The following SLC14A2 variants were observed in gnomAD, a reference collection of about 807,000 sequenced individuals.
SLC14A2 encodes the protein urea transporter 2.
SLC14A2 carries 91 observed loss-of-function variants against 104.6 expected under a neutral mutation model. That is an observed-to-expected ratio of 0.87 (90% CI 0.73 to 1.04). The LOEUF (loss-of-function observed/expected upper bound fraction) is 1.04, where lower values mean the gene tolerates loss of function less well. Among genes scored for constraint, SLC14A2 ranks in the 50% least tolerant of loss-of-function variants. The pLI is 0.00. For synonymous variants in SLC14A2, 476 were observed against 466.4 expected, an observed-to-expected ratio of 1.02 and a Z score of -0.27; for missense variants, 1,189 against 1,156.0, an observed-to-expected ratio of 1.03 and a Z score of -0.41.
chr18:45,643,070 T>C (rs1039731415), intron 8 of SLC14A2, 62 bp from the exon 9 acceptor site: 8 of 1,503,680 alleles, frequency 5.3e-6, no homozygotes, highest in Non-Finnish European at 9.3e-7. Context: ...TGGTCTGCAA[T>C]GGCAGTGGCT....
intron 2 of SLC14A2, among the ~76,000 whole-genome samples, chr18:45,540,092 A>G (rs1225833126): frequency 6.6e-6 from 1 of 151,562 alleles, no homozygotes; most frequent in Non-Finnish European, 1.5e-5. Flanking sequence ...TTCTTTTTTA[A>G]TCCTGGGCAC....
intron 1 of SLC14A2, among the ~76,000 whole-genome samples, chr18:45,358,401 C>T (rs1460534267): frequency 2.0e-5 from 3 of 152,134 alleles, no homozygotes; most frequent in African/African-American, 7.2e-5. Flanking sequence ...AAAACCACTC[C>T]CTGCTCCTAT....
intron 2 of SLC14A2, among the ~76,000 whole-genome samples, chr18:45,541,194 G>A (rs1488020019): frequency 6.6e-6 from 1 of 152,180 alleles, no homozygotes; most frequent in African/African-American, 2.4e-5. Context: ...CCACTCCCAT[G>A]ATTCAGCCAT....
the SLC14A2 span, among the ~76,000 whole-genome samples, chr18:45,174,621 C>A: frequency 6.6e-6 from 1 of 152,086 alleles, no homozygotes; most frequent in South Asian, 2.1e-4. Context: ...GTCTCATGTA[C>A]CCTTCTGCAC....
chr18:45,303,052 CT>C (rs1408630510), intron 1 of SLC14A2, among the ~76,000 whole-genome samples: 5 of 152,160 alleles, frequency 3.3e-5, no homozygotes, highest in African/African-American at 1.2e-4. Context: ...AAAAAGAAAA[CT>C]TCAGCTGAAT....
At chr18:45,183,366 C>G in the SLC14A2 span, among the ~76,000 whole-genome samples, 2 of 152,306 alleles carry the variant, frequency 1.3e-5, no homozygotes, top group African/African-American at 4.8e-5. Flanking sequence ...TTTTATCTTG[C>G]TGCACACTTT....
In SLC14A2 at chr18:45,625,892, C is replaced by T. The variant is rs1343880201; in HGVS notation, c.331+29C>T. The T allele has an allele frequency of 1.7e-5, 24 of 1,401,560 alleles. 1 individual carries two copies. The East Asian group carries it at 6.6e-4, about 39-fold the overall frequency. The allele number at this position is 1,401,560 out of a possible 1,614,324, so 86.8% of individuals were successfully genotyped here. On this transcript the variant is annotated intron_variant, in intron 3 of 19. Transcript: ENST00000255226. ...GGAAAATACCCTGGGGAGAGGCAGC[C>T]AGACCAGGCCAGGCCAGAGAGACAA...
At chr18:45,344,938 C>T (rs918282368) in intron 1 of SLC14A2, among the ~76,000 whole-genome samples, 1 of 152,198 alleles carries the variant, frequency 6.6e-6, no homozygotes, top group Non-Finnish European at 1.5e-5. Flanking sequence ...GTCCTGCCAT[C>T]AGGAGACTGA....
chr18:45,168,417 A>G, the SLC14A2 span, among the ~76,000 whole-genome samples: 3 of 152,210 alleles, frequency 2.0e-5, no homozygotes, highest in Non-Finnish European at 4.4e-5. Context: ...TATATGTAAA[A>G]CACTGAGTGC....
At position 45,234,742 on chromosome 18, in the gene SLC14A2, T is replaced by C. The variant is rs1396236327; in HGVS notation, c.-125+21551T>C. 2.0e-5 allele frequency among the ~76,000 whole-genome samples: 3 copies of C among 152,360 alleles called. No homozygotes were observed. The East Asian group carries it at 5.8e-4, about 29-fold the overall frequency. ...TCTCTACTGCCTTGTTGGGAAACCG[T>C]ATCTGCCTAGAAGTTGCCCTGGAGT... On this transcript the variant is annotated intron_variant, in intron 1 of 20. Coordinates refer to the SLC14A2 transcript ENST00000586448.
intron 1 of SLC14A2, among the ~76,000 whole-genome samples, chr18:45,431,941 CT>C (rs1471754227): frequency 6.6e-6 from 1 of 152,122 alleles, no homozygotes; most frequent in Non-Finnish European, 1.5e-5. Context: ...CCAACAGTCT[CT>C]TTTGTTAGGT....
rs2086952423 is a variant in SLC14A2, at chr18:45,456,815, A to T, written c.-124-26418A>T. Among the ~76,000 whole-genome samples, 3 of 149,588 alleles carry T rather than the reference A, an allele frequency of 2.0e-5. 1 individual carries two copies. In the South Asian group the frequency reaches 6.4e-4, roughly 32 times the overall value. On this transcript the variant is annotated intron_variant, in intron 1 of 20. Transcript: ENST00000586448. ...TATTTTCTGGGCAAAAAGCCAAATGATATACTCTCTTCCCAGCTGCAGGGC... is the reference window on the plus strand; with the variant it reads ...TATTTTCTGGGCAAAAAGCCAAATGTTATACTCTCTTCCCAGCTGCAGGGC...
At chr18:45,320,408 A>G (rs1307658514) in intron 1 of SLC14A2, among the ~76,000 whole-genome samples, 2 of 152,248 alleles carry the variant, frequency 1.3e-5, no homozygotes, top group Non-Finnish European at 2.9e-5. Context: ...ACTCGTCTAC[A>G]TGGAATGGTA....
At chr18:45,588,649 G>C (rs1300224354) in intron 2 of SLC14A2, among the ~76,000 whole-genome samples, 1 of 152,162 alleles carries the variant, frequency 6.6e-6, no homozygotes, top group Non-Finnish European at 1.5e-5. Context: ...GATACCCACG[G>C]TCCTCACGGC....
the SLC14A2 span, among the ~76,000 whole-genome samples, chr18:45,204,442 G>A: frequency 1.2e-4 from 19 of 152,340 alleles, 1 homozygote; most frequent in Non-Finnish European, 1.0e-4. Context: ...CTTTTGACTG[G>A]TCTGATGGAG....
chr18:45,667,525 C>T (rs2046046466), intron 13 of SLC14A2, among the ~76,000 whole-genome samples: 1 of 152,156 alleles, frequency 6.6e-6, no homozygotes, highest in South Asian at 2.1e-4. Flanking sequence ...CTCTATGCAG[C>T]AAGAACATGT....
intron 1 of SLC14A2, among the ~76,000 whole-genome samples, chr18:45,358,562 C>T (rs1394589992): frequency 2.6e-5 from 4 of 152,150 alleles, no homozygotes; most frequent in African/African-American, 9.7e-5. Context: ...CGACTTACTT[C>T]AAGTAGCCTT....
chr18:45,397,080 G>T (rs778203072), intron 1 of SLC14A2, among the ~76,000 whole-genome samples: 1 of 152,158 alleles, frequency 6.6e-6, no homozygotes. Flanking sequence ...CGGGCATTTA[G>T]GTTGATTCTG....
At chr18:45,485,854 A>C (rs547152185) in intron 2 of SLC14A2, among the ~76,000 whole-genome samples, 1 of 152,236 alleles carries the variant, frequency 6.6e-6, no homozygotes, top group Non-Finnish European at 1.5e-5. Flanking sequence ...TGCCAGGAGC[A>C]ATGAGCTATA....
Sources: allele counts gnomAD v4.1 joint callset (sites outside exome capture counted in the v4.1 genomes callset), GRCh38; gene constraint gnomAD v4.1.1; transcripts MANE v1.5; gene names NCBI Gene and HGNC (gene_info 2026-07-23, HGNC 2026-07-21).